The following MORC1 variants were observed in gnomAD, a reference collection of about 807,000 sequenced individuals.
MORC1 encodes the protein MORC family CW-type zinc finger 1.
A neutral mutation model predicts 134.9 loss-of-function variants in MORC1; 59 were observed. The observed-to-expected ratio is 0.44, with a 90% CI of 0.35 to 0.54. The LOEUF (loss-of-function observed/expected upper bound fraction) is 0.54. MORC1 is among the 20% of genes least tolerant of loss of function. MORC1 has a pLI of 0.00. For missense variants in MORC1, 947 were observed against 1,134.5 expected, an observed-to-expected ratio of 0.83 and a Z score of 2.37; for synonymous variants, 395 against 391.7, an observed-to-expected ratio of 1.01 and a Z score of -0.10.
chr3:109,067,979 G>T (rs182649998), intron 9 of MORC1, among the ~76,000 whole-genome samples: 1 of 152,274 alleles, frequency 6.6e-6, no homozygotes, highest in Admixed American at 6.5e-5. Flanking sequence ...TATAGGAGAA[G>T]AAACATTGAA....
intron 17 of MORC1, among the ~76,000 whole-genome samples, chr3:109,025,379 CTTTTTTTTT>C (rs63701060): frequency 0.015 from 1,563 of 105,028 alleles, 17 homozygotes; most frequent in African/African-American, 0.051. Flanking sequence ...TTTCTTTTTT[CTTTTTTTTT>C]TTTTTTTTTT....
At chr3:109,009,204 G>GTTTTTTTTTTTTTTTTTTTTTTTTTTT in intron 17 of MORC1, among the ~76,000 whole-genome samples, 1 of 96,764 alleles carries the variant, frequency 1.0e-5, no homozygotes. Flanking sequence ...TACGTTTTTT[G>GTTTTTTTTTTTTTTTTTTTTTTTTTTT]TTGTTTTTTT....
intron 17 of MORC1, among the ~76,000 whole-genome samples, chr3:109,012,734 A>C (rs1041220273): frequency 1.3e-4 from 20 of 152,312 alleles, no homozygotes; most frequent in African/African-American, 4.8e-4. Flanking sequence ...AGAAAAAGTT[A>C]ATTTTTATAT....
chr3:109,029,715 T>C (rs1949192169), intron 16 of MORC1, among the ~76,000 whole-genome samples: 1 of 152,206 alleles, frequency 6.6e-6, no homozygotes, highest in South Asian at 2.1e-4. Flanking sequence ...GAAAAAAGAA[T>C]GGCTCCACCT....
intron 17 of MORC1, among the ~76,000 whole-genome samples, chr3:109,010,082 T>C (rs550436019): frequency 5.3e-5 from 8 of 152,214 alleles, no homozygotes; most frequent in Non-Finnish European, 1.2e-4. Context: ...GGCTAGATAG[T>C]AAATAGTTTT....
intron 17 of MORC1, among the ~76,000 whole-genome samples, chr3:109,008,114 C>T (rs1460573441): frequency 6.6e-6 from 1 of 152,004 alleles, no homozygotes; most frequent in Non-Finnish European, 1.5e-5. Flanking sequence ...GCTTCTTATT[C>T]TTTTACAGCT....
At chr3:109,051,960 T>C (rs1191814386) in intron 14 of MORC1, among the ~76,000 whole-genome samples, 2 of 152,254 alleles carry the variant, frequency 1.3e-5, no homozygotes, top group East Asian at 3.9e-4. Context: ...ATGGAAATAA[T>C]TTTTATGACC....
At chr3:109,074,388 T>A (rs1382626748) in intron 8 of MORC1, among the ~76,000 whole-genome samples, 1 of 152,104 alleles carries the variant, frequency 6.6e-6, no homozygotes, top group Non-Finnish European at 1.5e-5. Flanking sequence ...GAAAGCAACA[T>A]GAGCACACAA....
At chr3:109,029,857 A>G (rs145608144) in intron 16 of MORC1, among the ~76,000 whole-genome samples, 1 of 152,330 alleles carries the variant, frequency 6.6e-6, no homozygotes, top group Non-Finnish European at 1.5e-5. Context: ...TAAGGCAGGA[A>G]GAGTACAGGT....
At chr3:109,114,260 A>G in intron 2 of MORC1, 124 bp downstream of exon 2, 2 of 780,614 alleles carry the variant, frequency 2.6e-6, no homozygotes, top group Non-Finnish European at 3.9e-6. Flanking sequence ...ATTTTATAGG[A>G]AATCAAGTCA....
At chr3:109,088,851 G>A (rs1311586173) in intron 8 of MORC1, among the ~76,000 whole-genome samples, 1 of 152,138 alleles carries the variant, frequency 6.6e-6, no homozygotes, top group Non-Finnish European at 1.5e-5. Context: ...TAAAGAAAAT[G>A]TGGTACATAT....
rs1303295592 is a variant in MORC1 at position 109,059,832 on chromosome 3, C to T, written c.1005G>A (p.Lys335=). 4 of 1,612,452 alleles carry T rather than the reference C, an allele frequency of 2.5e-6. No individual in the cohort carries two copies. Among genetic ancestry groups the T allele is most frequent in the Non-Finnish European group, 3.4e-6 (4 of 1,179,286 alleles). Residue 335 remains lysine (K), a synonymous_variant, in exon 12 of 28, where the codon AAG becomes AAA. Coordinates refer to ENST00000232603, the MANE Select transcript of MORC1 (RefSeq NM_014429.4). The part of the protein sequence containing the change: ...LQRALEDVEA[K]QKNLKEKQRE... ...TTTGTTTCTCTTTAAGATTCTTTTG[C>T]TTTGCTTCTACATCTTCCAAAGCTC...
chr3:108,992,860 T>C (rs1020128378), intron 21 of MORC1, among the ~76,000 whole-genome samples: 1 of 152,190 alleles, frequency 6.6e-6, no homozygotes, highest in African/African-American at 2.4e-5. Context: ...TTTTACTTTG[T>C]CAATTTTCAT....
chr3:109,048,700 G>A (rs1048886688), intron 14 of MORC1, among the ~76,000 whole-genome samples: 7 of 152,170 alleles, frequency 4.6e-5, no homozygotes, highest in African/African-American at 1.7e-4. Flanking sequence ...TTTGCTTACA[G>A]ATGGTCACCT....
intron 17 of MORC1, among the ~76,000 whole-genome samples, chr3:109,015,595 C>T (rs1026942022): frequency 9.2e-5 from 14 of 152,144 alleles, no homozygotes; most frequent in Non-Finnish European, 1.8e-4. Context: ...CTCTGAAATG[C>T]TTTTCTCTTC....
intron 16 of MORC1, among the ~76,000 whole-genome samples, chr3:109,028,280 T>C (rs935019156): frequency 6.6e-6 from 1 of 152,172 alleles, no homozygotes; most frequent in East Asian, 1.9e-4. Flanking sequence ...CTTTAAAATA[T>C]AGCAAATAAT....
At chr3:109,100,071 CTG>C (rs1386696981) in intron 5 of MORC1, among the ~76,000 whole-genome samples, 1 of 152,016 alleles carries the variant, frequency 6.6e-6, no homozygotes, top group Non-Finnish European at 1.5e-5. Flanking sequence ...TGGTGAAACT[CTG>C]TCTCTACAAA....
At chr3:108,962,865 T>G (rs955744820) in intron 27 of MORC1, among the ~76,000 whole-genome samples, 5 of 152,166 alleles carry the variant, frequency 3.3e-5, no homozygotes, top group Non-Finnish European at 7.4e-5. Flanking sequence ...GTTTCCTGAC[T>G]TCTCCAAAAC....
chr3:109,093,793 A>G (rs1950775129), intron 7 of MORC1, among the ~76,000 whole-genome samples: 1 of 152,178 alleles, frequency 6.6e-6, no homozygotes, highest in Admixed American at 6.5e-5. Context: ...CAAGTCTTTC[A>G]ATGTGGATTT....
Sources: allele counts gnomAD v4.1 joint callset (sites outside exome capture counted in the v4.1 genomes callset), GRCh38; gene constraint gnomAD v4.1.1; transcripts MANE v1.5; gene names NCBI Gene and HGNC (gene_info 2026-07-23, HGNC 2026-07-21).